KIT: variants seen among roughly 807,000 people sequenced by gnomAD.
The protein encoded by KIT is mast/stem cell growth factor receptor Kit.
A neutral mutation model predicts 105.7 loss-of-function variants in KIT; 16 were observed. The ratio of observed to expected loss-of-function variants is 0.15; its 90% CI spans 0.10 to 0.23. The LOEUF is 0.23. Ranked by LOEUF, KIT falls within the 10% of genes least tolerant of loss-of-function variation. The pLI is 1.00. For missense variants in KIT, 858 were observed against 1,213.8 expected (o/e 0.71, Z 4.36); for synonymous variants, 438 against 441.1 (o/e 0.99, Z 0.09).
chr4:54,723,688 A>C lies in KIT; in HGVS notation c.1336A>C (p.Thr446Pro). The C allele has an allele frequency of 6.2e-7, 1 of 1,605,454 alleles. No individual in the cohort carries two copies. Among genetic ancestry groups the C allele is most frequent in the East Asian group, 2.2e-5 (1 of 44,838 alleles). ...AATAGATTGGTATTTTTGTCCAGGAACTGAGCAGAGGTGAGATGATTATTT... is the reference window on the plus strand; with the variant it reads ...AATAGATTGGTATTTTTGTCCAGGACCTGAGCAGAGGTGAGATGATTATTT... Reference protein sequence around the residue: ...PTIDWYFCPGTEQRCSASVLP... With the variant: ...PTIDWYFCPGPEQRCSASVLP... The change falls in exon 8 of 21, where the codon ACT (threonine) becomes CCT (proline). Residue 446 changes from threonine (T) to proline (P), a missense_variant. By Grantham distance (38) the Thr-to-Pro change is conservative. Coordinates refer to ENST00000288135, the MANE Select transcript of KIT (RefSeq NM_000222.3).
Position 54,727,772 on chromosome 4 carries a change from A to G in KIT, c.1775-51A>G, listed in dbSNP as rs764046530. ...TTGAAACTGCACAAATGGTCCTTCA[A>G]TTCCACCACCAGCACCATCACCACT... On this transcript the variant is annotated intron_variant, in intron 11 of 20. Coordinates refer to ENST00000288135, the MANE Select transcript of KIT (RefSeq NM_000222.3). The G allele has an allele frequency of 1.1e-5, 16 of 1,465,458 alleles. No homozygotes were observed. The African/African-American group carries it at 1.5e-4, about 14-fold the overall frequency. 90.8% of individuals were successfully genotyped at this position (1,465,458 alleles called of 1,614,324 possible).
In KIT at chr4:54,695,563, A is replaced by G. The variant is rs373374682; in HGVS notation, c.119A>G (p.His40Arg). Residue 40 changes from histidine (H) to arginine (R), a missense_variant, in exon 2 of 21, where the codon CAT (histidine) becomes CGT (arginine). Physicochemically the swap from His to Arg is conservative, Grantham distance 29 (BLOSUM62 0). Transcript: ENST00000288135. Reference sequence around the variant, plus strand: ...GGGGAACCGTCTCCACCATCCATCCATCCAGGAAAATCAGACTTAATAGTC... The same window carrying G: ...GGGGAACCGTCTCCACCATCCATCCGTCCAGGAAAATCAGACTTAATAGTC... ...SPGEPSPPSI[H>R]PGKSDLIVRV... 4.3e-6 allele frequency: 7 copies of G among 1,614,110 alleles called. No homozygotes were observed. Among genetic ancestry groups the G allele is most frequent in the South Asian group, 2.2e-5 (2 of 91,092 alleles).
intron 2 of KIT, among the ~76,000 whole-genome samples, chr4:54,696,237 C>CTAAACATCCCA (rs1249146346): frequency 9.2e-5 from 14 of 152,180 alleles, no homozygotes; most frequent in African/African-American, 3.1e-4. Context: ...ATTTGGTCAG[C>CTAAACATCCCA]TAAACATCCC....
At position 54,695,684 on chromosome 4, in the gene KIT, T is replaced by C; in HGVS notation, c.240T>C (p.Asn80=). The C allele has an allele frequency of 1.2e-6, 2 of 1,614,222 alleles. No individual in the cohort carries two copies. Among genetic ancestry groups the C allele is most frequent in the South Asian group, 1.1e-5 (1 of 91,088 alleles). The part of the protein sequence containing the change: ...ILDETNENKQ[N]EWITEKAEAT... The stretch of plus-strand genomic sequence containing the variant: ...ATGAAACGAATGAGAATAAGCAGAA[T>C]GAATGGATCACGGAAAAGGCAGAAG... The change falls in exon 2 of 21, where the codon AAT becomes AAC. Residue 80 remains asparagine (N), a synonymous_variant. Transcript: ENST00000288135.
intron 1 of KIT, among the ~76,000 whole-genome samples, chr4:54,686,344 C>G (rs1719310990): frequency 6.6e-6 from 1 of 152,128 alleles, no homozygotes; most frequent in Non-Finnish European, 1.5e-5. Flanking sequence ...TGTAAAATCA[C>G]TAAATATCAT....
chr4:54,676,868 G>A (rs1718517129), intron 1 of KIT, among the ~76,000 whole-genome samples: 1 of 152,110 alleles, frequency 6.6e-6, no homozygotes, highest in African/African-American at 2.4e-5. Context: ...ACTGCCAGGG[G>A]CCTCATGCTT....
intron 5 of KIT, among the ~76,000 whole-genome samples, chr4:54,704,509 C>G (rs907295178): frequency 2.6e-5 from 4 of 152,132 alleles, no homozygotes; most frequent in African/African-American, 9.6e-5. Flanking sequence ...GTCCCCGGAC[C>G]CCATCATATC....
Position 54,709,463 on chromosome 4 carries a change from C to T in KIT, c.1155C>T (p.Thr385=), listed in dbSNP as rs373472667. The T allele has an allele frequency of 1.9e-5, 30 of 1,613,732 alleles. 1 individual carries two copies. Among genetic ancestry groups the T allele is most frequent in the African/African-American group, 1.5e-4 (11 of 75,012 alleles). The change falls in exon 7 of 21, where the codon ACC becomes ACT. Residue 385 remains threonine (T), a synonymous_variant. Coordinates refer to ENST00000288135, the MANE Select transcript of KIT (RefSeq NM_000222.3). ...TTCATCTAACGAGATTAAAAGGCAC[C>T]GAAGGAGGCACTTACACATTCCTAG... ...SELHLTRLKG[T]EGGTYTFLVS...
chr4:54,663,366 G>A (rs1223170556), intron 1 of KIT, among the ~76,000 whole-genome samples: 1 of 152,098 alleles, frequency 6.6e-6, no homozygotes, highest in Non-Finnish European at 1.5e-5. Context: ...GCCCCTGCGA[G>A]GATTAAATGA....
chr4:54,722,861 A>ATT (rs1560413806), intron 7 of KIT, among the ~76,000 whole-genome samples: 9 of 113,098 alleles, frequency 8.0e-5, no homozygotes, highest in African/African-American at 3.6e-4. Context: ...ATTTTTATAT[A>ATT]TATGTATATA....
At chr4:54,735,172 C>G (rs891289272) in intron 17 of KIT, among the ~76,000 whole-genome samples, 1 of 152,016 alleles carries the variant, frequency 6.6e-6, no homozygotes, top group Non-Finnish European at 1.5e-5. Context: ...TAAAGAAATG[C>G]TAAATTTCAT....
At chr4:54,722,966 C>T (rs1244185343) in intron 7 of KIT, among the ~76,000 whole-genome samples, 3 of 149,994 alleles carry the variant, frequency 2.0e-5, no homozygotes, top group Non-Finnish European at 3.0e-5. Flanking sequence ...GTTTTCTGTT[C>T]ATATTTTGCA....
intron 1 of KIT, among the ~76,000 whole-genome samples, chr4:54,684,592 C>T (rs905929482): frequency 6.6e-5 from 10 of 152,144 alleles, no homozygotes; most frequent in Non-Finnish European, 8.8e-5. Context: ...ATGCTGCCAT[C>T]AGGCACTGTC....
rs1019588542 is a variant in KIT at position 54,698,547 on chromosome 4, A to G, written c.601A>G (p.Ile201Val). The G allele has an allele frequency of 2.5e-6, 4 of 1,614,046 alleles. No individual in the cohort carries two copies. In the East Asian group the frequency reaches 6.7e-5, roughly 27 times the overall value. The change falls in exon 3 of 21, where the codon ATC becomes GTC. Residue 201 changes from isoleucine to valine, a missense_variant. By Grantham distance (29) the Ile-to-Val change is conservative (BLOSUM62 3). This residue lies in a region of KIT where 401 missense variants were observed against 601.0 expected (regional missense o/e 0.67). Transcript: ENST00000288135. ...EGKSVLSEKF[I>V]LKVRPAFKAV... The stretch of plus-strand genomic sequence containing the variant: ...CAAGTCAGTGCTGTCGGAAAAATTC[A>G]TCCTGAAAGTGAGGCCAGGTACTGG...
intron 1 of KIT, among the ~76,000 whole-genome samples, chr4:54,682,592 A>G (rs1560384442): frequency 6.6e-6 from 1 of 151,478 alleles, no homozygotes. Context: ...TATCCGGCTA[A>G]TTTTTTTGGT....
At chr4:54,685,467 C>T (rs925691317) in intron 1 of KIT, among the ~76,000 whole-genome samples, 7 of 152,180 alleles carry the variant, frequency 4.6e-5, no homozygotes, top group Admixed American at 4.6e-4. Context: ...GGCATAAAGC[C>T]ACCCCTCCCC....
At chr4:54,731,758 C>T in intron 15 of KIT, 113 bp from the exon 16 acceptor site, 2 of 1,100,142 alleles carry the variant, frequency 1.8e-6, no homozygotes, top group Non-Finnish European at 2.8e-6. Flanking sequence ...GATCTGCCTG[C>T]AAGTTCACAT....
At chr4:54,711,323 CA>C (rs1663324529) in intron 7 of KIT, among the ~76,000 whole-genome samples, 1 of 152,150 alleles carries the variant, frequency 6.6e-6, no homozygotes, top group African/African-American at 2.4e-5. Flanking sequence ...ATGAACATTT[CA>C]AAAATTGTGT....
intron 4 of KIT, among the ~76,000 whole-genome samples, chr4:54,702,594 C>CT (rs1720524383): frequency 6.6e-6 from 1 of 151,992 alleles, no homozygotes. Context: ...TCAATTTGTG[C>CT]TTTTTAAGTA....
Sources: allele counts gnomAD v4.1 joint callset (sites outside exome capture counted in the v4.1 genomes callset), GRCh38; gene constraint gnomAD v4.1.1; regional missense constraint gnomAD v4.1.1; transcripts MANE v1.5; gene names NCBI Gene and HGNC (gene_info 2026-07-23, HGNC 2026-07-21).